The following MARCHF1 variants were observed in gnomAD, a reference collection of about 807,000 sequenced individuals.
MARCHF1 encodes E3 ubiquitin-protein ligase MARCHF1.
In MARCHF1, 40 loss-of-function variants were observed where a neutral mutation model predicts 54.2. The observed-to-expected ratio is 0.74, with a 90% confidence interval of 0.57 to 0.96. The LOEUF is 0.96. Ranked by LOEUF, MARCHF1 falls within the 40% of genes least tolerant of loss-of-function variation. The probability of loss-of-function intolerance (pLI) is 0.00; values close to 1 mark genes in which losing one functional copy is unlikely to be tolerated. For synonymous variants in MARCHF1, 236 were observed against 236.3 expected (o/e 1.00, Z 0.01); for missense variants, 586 against 656.5 (o/e 0.89, Z 1.17).
chr4:163,683,433 A>G (rs1744171340), intron 5 of MARCHF1, among the ~76,000 whole-genome samples: 1 of 152,186 alleles, frequency 6.6e-6, no homozygotes, highest in Non-Finnish European at 1.5e-5. Flanking sequence ...TGGGAATTCA[A>G]GATGAGATTT....
intron 7 of MARCHF1, among the ~76,000 whole-genome samples, chr4:163,589,070 GAAAA>G (rs34118569): frequency 7.8e-6 from 1 of 128,032 alleles, no homozygotes; most frequent in Non-Finnish European, 1.7e-5. Context: ...TGTCTTATTT[GAAAA>G]AAAAAAAAAA....
At chr4:163,774,040 C>T (rs750435039) in intron 4 of MARCHF1, among the ~76,000 whole-genome samples, 2 of 152,104 alleles carry the variant, frequency 1.3e-5, no homozygotes, top group African/African-American at 2.4e-5. Context: ...ATACAATTGT[C>T]TCCCTGTATC....
At chr4:163,794,130 T>G (rs1276928022) in intron 4 of MARCHF1, among the ~76,000 whole-genome samples, 1 of 152,192 alleles carries the variant, frequency 6.6e-6, no homozygotes. Flanking sequence ...GTACTACATT[T>G]TAATCACTAA....
chr4:164,300,408 A>C (rs1734525821), intron 1 of MARCHF1, among the ~76,000 whole-genome samples: 1 of 152,184 alleles, frequency 6.6e-6, no homozygotes, highest in Admixed American at 6.6e-5. Context: ...GACTATCTCA[A>C]TATAACATAA....
intron 2 of MARCHF1, among the ~76,000 whole-genome samples, chr4:164,063,854 G>A (rs902365644): frequency 2.6e-5 from 4 of 152,140 alleles, no homozygotes; most frequent in Non-Finnish European, 4.4e-5. Flanking sequence ...GTAAGAAAGG[G>A]GTCCAGTTCC....
chr4:163,889,297 C>G (rs2111264268), intron 3 of MARCHF1, among the ~76,000 whole-genome samples: 1 of 152,208 alleles, frequency 6.6e-6, no homozygotes, highest in Non-Finnish European at 1.5e-5. Context: ...CTTTTCATCT[C>G]CACTCTTGAG....
At chr4:164,197,862 G>C (rs762737399) in intron 1 of MARCHF1, 1 of 1,368,256 alleles carries the variant, frequency 7.3e-7, no homozygotes, top group African/African-American at 1.5e-5. Flanking sequence ...ATAATAAAGG[G>C]ACTGATAAGT....
At chr4:163,553,304 G>C (rs574904592) in intron 8 of MARCHF1, among the ~76,000 whole-genome samples, 101 of 152,318 alleles carry the variant, frequency 6.6e-4, no homozygotes, top group African/African-American at 1.1e-3. Flanking sequence ...CATCCAATTA[G>C]ACCTCAGTTG....
chr4:163,952,530 T>A (rs1752154256), intron 3 of MARCHF1, among the ~76,000 whole-genome samples: 1 of 152,168 alleles, frequency 6.6e-6, no homozygotes, highest in African/African-American at 2.4e-5. Flanking sequence ...TCAGCATGCA[T>A]ACCATACAAC....
intron 5 of MARCHF1, among the ~76,000 whole-genome samples, chr4:163,697,360 A>C (rs1744667531): frequency 6.6e-6 from 1 of 152,148 alleles, no homozygotes; most frequent in Non-Finnish European, 1.5e-5. Flanking sequence ...ATGTCAGCCA[A>C]GGGCTAATCT....
intron 5 of MARCHF1, among the ~76,000 whole-genome samples, chr4:163,688,674 G>A (rs952005704): frequency 2.0e-5 from 3 of 151,938 alleles, no homozygotes; most frequent in South Asian, 2.1e-4. Flanking sequence ...TTTCTTGCAC[G>A]GAGTTTTTAA....
chr4:164,244,985 G>T (rs1181971610), intron 1 of MARCHF1, among the ~76,000 whole-genome samples: 1 of 152,098 alleles, frequency 6.6e-6, no homozygotes, highest in Non-Finnish European at 1.5e-5. Flanking sequence ...CAGCCAAAAA[G>T]AGTCCAGGAC....
intron 1 of MARCHF1, among the ~76,000 whole-genome samples, chr4:164,146,246 C>G (rs1297675093): frequency 1.4e-5 from 2 of 147,664 alleles, no homozygotes; most frequent in Non-Finnish European, 3.0e-5. Context: ...GGCCATACTG[C>G]CCAAGGTAAT....
chr4:163,948,802 T>C (rs1021212599), intron 3 of MARCHF1, among the ~76,000 whole-genome samples: 14 of 152,186 alleles, frequency 9.2e-5, no homozygotes, highest in African/African-American at 2.7e-4. Flanking sequence ...AGCAACAACT[T>C]TGAAATATCA....
chr4:164,049,037 A>G (rs2111037822), intron 2 of MARCHF1, among the ~76,000 whole-genome samples: 1 of 152,356 alleles, frequency 6.6e-6, no homozygotes, highest in South Asian at 2.1e-4. Flanking sequence ...TGATTACTTT[A>G]AAAACACTTT....
At chr4:164,026,566 T>G (rs1753772332) in intron 2 of MARCHF1, among the ~76,000 whole-genome samples, 1 of 152,044 alleles carries the variant, frequency 6.6e-6, no homozygotes, top group African/African-American at 2.4e-5. Context: ...CCTCAGCAGA[T>G]TAGGCATCAA....
chr4:164,018,948 A>G (rs1332407087), intron 2 of MARCHF1, among the ~76,000 whole-genome samples: 1 of 152,158 alleles, frequency 6.6e-6, no homozygotes, highest in Non-Finnish European at 1.5e-5. Flanking sequence ...AGGTTACTAT[A>G]TTGGTCCTTC....
intron 1 of MARCHF1, among the ~76,000 whole-genome samples, chr4:164,195,067 T>C (rs1731218216): frequency 6.6e-6 from 1 of 151,720 alleles, no homozygotes; most frequent in Non-Finnish European, 1.5e-5. Context: ...ATGTGATGTG[T>C]TTAGTTTTCT....
rs775377702 is a variant in MARCHF1 at position 163,529,064 on chromosome 4, G to GA, written c.1340-19dup. The GA allele has an allele frequency of 2.2e-5, 34 of 1,575,212 alleles. No individual in the cohort carries two copies. Among genetic ancestry groups the GA allele is most frequent in the Non-Finnish European group, 2.8e-5 (32 of 1,158,556 alleles). ...AAGGACACCTTTGAAATGAAAAAGA[G>GA]AAAATGTTATCACCAAGTTGTCCTC... On this transcript the variant is annotated intron_variant, in intron 9 of 9. Transcript: ENST00000514618.
Sources: gnomAD v4.1 joint callset for allele counts (sites outside exome capture counted in the v4.1 genomes callset) on GRCh38, gnomAD v4.1.1 for gene constraint, MANE v1.5 for transcripts, NCBI Gene and HGNC (gene_info 2026-07-23, HGNC 2026-07-21) for gene names.